ADGRL2: variants seen among roughly 807,000 people sequenced by gnomAD.
ADGRL2 encodes adhesion G protein-coupled receptor L2.
In ADGRL2, 44 loss-of-function variants were observed where a neutral mutation model predicts 157.4. The ratio of observed to expected loss-of-function variants is 0.28; its 90% confidence interval spans 0.22 to 0.36. ADGRL2 has a LOEUF of 0.36. Among genes scored for constraint, ADGRL2 ranks in the 10% least tolerant of loss-of-function variants. The pLI is 1.00. For missense variants in ADGRL2, 1,510 were observed against 1,768.9 expected (o/e 0.85, Z 2.63); for synonymous variants, 585 against 624.7 (o/e 0.94, Z 0.95).
chr1:81,348,429 AC>A (rs763619666), intron 1 of ADGRL2, among the ~76,000 whole-genome samples: 1 of 152,162 alleles, frequency 6.6e-6, no homozygotes, highest in Non-Finnish European at 1.5e-5. Flanking sequence ...CACTTCTCTG[AC>A]CAAAAAAGGT....
rs182962787 is a variant in ADGRL2, at chr1:81,988,847, C to T, written c.3655+961C>T. 5.3e-5 allele frequency among the ~76,000 whole-genome samples: 8 copies of T among 152,028 alleles called. No individual in the cohort carries two copies. In the East Asian group the frequency reaches 1.4e-3, roughly 26 times the overall value. ...GAGTGAGCACTAAAACGGGAAATTT[C>T]GTATTTTTTTCCAAGAATTAAATTT... On this transcript the variant is annotated intron_variant, in intron 23 of 23. Coordinates refer to ENST00000686636, the MANE Select transcript of ADGRL2 (RefSeq NM_001366006.2).
intron 3 of ADGRL2, among the ~76,000 whole-genome samples, chr1:81,678,143 A>T (rs963272439): frequency 1.3e-5 from 2 of 152,152 alleles, no homozygotes; most frequent in African/African-American, 4.8e-5. Flanking sequence ...TATATCCATT[A>T]TACCACACCA....
intron 1 of ADGRL2, among the ~76,000 whole-genome samples, chr1:81,729,449 T>C (rs2084648628): frequency 6.6e-6 from 1 of 152,172 alleles, no homozygotes; most frequent in African/African-American, 2.4e-5. Context: ...CAAAATTAAA[T>C]AAATGAAAAG....
upstream of ADGRL2, among the ~76,000 whole-genome samples, chr1:81,799,784 A>G (rs961798156): frequency 6.6e-6 from 1 of 152,164 alleles, no homozygotes; most frequent in Non-Finnish European, 1.5e-5. Flanking sequence ...TCTTGAAAAA[A>G]AGGTAAATAT....
At chr1:81,469,917 C>A (rs1375866485) in intron 2 of ADGRL2, among the ~76,000 whole-genome samples, 4 of 152,084 alleles carry the variant, frequency 2.6e-5, no homozygotes, top group Non-Finnish European at 5.9e-5. Context: ...CCAAGCTGTC[C>A]CTAGAATTAT....
chr1:81,306,845 T>A (rs1659370604), intron 1 of ADGRL2, among the ~76,000 whole-genome samples: 1 of 151,382 alleles, frequency 6.6e-6, no homozygotes, highest in Non-Finnish European at 1.5e-5. Context: ...TGCTGGCCAA[T>A]AATAGCCAAG....
intron 1 of ADGRL2, among the ~76,000 whole-genome samples, chr1:81,334,672 G>A (rs1175680348): frequency 6.6e-6 from 1 of 152,156 alleles, no homozygotes; most frequent in Non-Finnish European, 1.5e-5. Context: ...GAGATTTCTG[G>A]TAACTTTTAC....
chr1:81,670,744 C>A (rs1429464223), intron 3 of ADGRL2, among the ~76,000 whole-genome samples: 1 of 152,250 alleles, frequency 6.6e-6, no homozygotes, highest in South Asian at 2.1e-4. Context: ...GAGACAGGGT[C>A]TCGCTCTGTT....
At chr1:81,367,959 G>A (rs538214267) in intron 1 of ADGRL2, among the ~76,000 whole-genome samples, 20 of 152,226 alleles carry the variant, frequency 1.3e-4, no homozygotes, top group African/African-American at 4.3e-4. Context: ...CCATGACTTC[G>A]CTATTGTGAA....
rs537263435 is a variant in ADGRL2, at chr1:81,531,209, G to C, written c.-247-49667G>C. On this transcript the variant is annotated intron_variant, in intron 2 of 24. Transcript: ENST00000370721. ...GAAGATATTCTGATAATCCACATTT[G>C]AGGAGAGAAGGACTCTTGCTGGTAG... is the stretch of plus-strand genomic sequence containing the variant. Among the ~76,000 whole-genome samples the C allele has an allele frequency of 2.6e-5, 4 of 152,260 alleles. No homozygotes were observed. The South Asian group carries it at 6.2e-4, about 24-fold the overall frequency.
At chr1:81,531,695 G>A (rs2079603572) in intron 2 of ADGRL2, among the ~76,000 whole-genome samples, 1 of 152,054 alleles carries the variant, frequency 6.6e-6, no homozygotes. Flanking sequence ...AGATGTTTGA[G>A]GACCACTGTA....
At chr1:81,356,958 A>AC (rs1663352845) in intron 1 of ADGRL2, among the ~76,000 whole-genome samples, 1 of 129,636 alleles carries the variant, frequency 7.7e-6, no homozygotes, top group Non-Finnish European at 1.7e-5. Context: ...GTCTCAAAAA[A>AC]AAAAAAAAAA....
At chr1:81,645,512 G>T (rs890415772) in intron 3 of ADGRL2, among the ~76,000 whole-genome samples, 73 of 151,998 alleles carry the variant, frequency 4.8e-4, no homozygotes, top group African/African-American at 1.7e-3. Context: ...CAGAGGTAGA[G>T]GCCATCATCA....
intron 1 of ADGRL2, among the ~76,000 whole-genome samples, chr1:81,821,460 G>T (rs2090982125): frequency 6.6e-6 from 1 of 152,096 alleles, no homozygotes; most frequent in African/African-American, 2.4e-5. Context: ...ATGGTGAAAT[G>T]ATAGTTTTTC....
chr1:81,877,859 G>A (rs557302191), intron 2 of ADGRL2, among the ~76,000 whole-genome samples: 21 of 152,078 alleles, frequency 1.4e-4, no homozygotes, highest in South Asian at 1.2e-3. Context: ...GATTAAATCC[G>A]TTTAAAATGT....
chr1:81,789,193 C>T (rs900688518), intron 2 of ADGRL2, among the ~76,000 whole-genome samples: 1 of 152,078 alleles, frequency 6.6e-6, no homozygotes, highest in Non-Finnish European at 1.5e-5. Flanking sequence ...TTATGCTTTG[C>T]TAAGAGCTGG....
At chr1:81,697,847 G>T (rs1222346691), upstream of ADGRL2, among the ~76,000 whole-genome samples, 2 of 152,188 alleles carry the variant, frequency 1.3e-5, no homozygotes, top group African/African-American at 2.4e-5. Context: ...TCCTCAGAGT[G>T]CATTTCCTGC....
In ADGRL2 at chr1:81,952,105, C is replaced by T. The variant is rs1572332771; in HGVS notation, c.1757C>T (p.Pro586Leu). ...ILDAQLQELKPSEKDSAGRSY... is the reference protein window; with the variant it reads ...ILDAQLQELKLSEKDSAGRSY... ...GATGCACAGCTGCAGGAACTGAAAC[C>T]TAGTGAAAAAGATTCAGCTGGACGG... Residue 586 changes from proline to leucine, a missense_variant, in exon 9 of 24, where the codon CCT (proline) becomes CTT (leucine). By Grantham distance (98) the Pro-to-Leu change is moderately conservative. Coordinates refer to ENST00000686636, the MANE Select transcript of ADGRL2 (RefSeq NM_001366006.2). The T allele has an allele frequency of 6.2e-7, 1 of 1,612,650 alleles. No individual in the cohort carries two copies. Among genetic ancestry groups the T allele is most frequent in the Non-Finnish European group, 8.5e-7 (1 of 1,179,244 alleles).
In ADGRL2 at chr1:81,392,617, C is replaced by T. The variant is rs553815546; in HGVS notation, c.-301-52419C>T. Among the ~76,000 whole-genome samples the T allele has an allele frequency of 3.9e-5, 6 of 152,258 alleles. No individual in the cohort carries two copies. In the East Asian group the frequency reaches 1.2e-3, roughly 29 times the overall value. The stretch of plus-strand genomic sequence containing the variant: ...AATAAATTAGCAATGGAAGACTTGG[C>T]CCAACCTCTCTGCTGGAAGCATATT... On this transcript the variant is annotated intron_variant, in intron 1 of 24. Transcript: ENST00000370721.
Sources: gnomAD v4.1 joint callset for allele counts (sites outside exome capture counted in the v4.1 genomes callset) on GRCh38, gnomAD v4.1.1 for gene constraint, MANE v1.5 for transcripts, NCBI Gene and HGNC (gene_info 2026-07-23, HGNC 2026-07-21) for gene names.